URB2: variants seen among roughly 807,000 people sequenced by gnomAD.
URB2 encodes the protein unhealthy ribosome biogenesis protein 2 homolog.
Under a neutral mutation model 120.9 loss-of-function variants are expected in URB2, and 86 were observed. The ratio of observed to expected loss-of-function variants is 0.71; its 90% confidence interval spans 0.60 to 0.85. URB2 has a LOEUF of 0.85. URB2 is among the 40% of genes least tolerant of loss of function. The probability of loss-of-function intolerance (pLI) is 0.00; values close to 1 mark genes in which losing one functional copy is unlikely to be tolerated. For missense variants in URB2, 1,765 were observed against 1,836.5 expected, an observed-to-expected ratio of 0.96 and a Z score of 0.71; for synonymous variants, 755 against 758.4, an observed-to-expected ratio of 1.00 and a Z score of 0.07.
intron 2 of URB2, 126 bp from the exon 3 acceptor site, chr1:229,632,143 G>A (rs1201852850): frequency 6.1e-6 from 4 of 658,782 alleles, no homozygotes; most frequent in Non-Finnish European, 9.2e-6. Context: ...AGTTGTAAAA[G>A]AGAGGTTCTC....
intron 2 of URB2, among the ~76,000 whole-genome samples, chr1:229,630,003 C>T (rs1321307306): frequency 6.6e-6 from 1 of 152,218 alleles, no homozygotes; most frequent in Non-Finnish European, 1.5e-5. Flanking sequence ...CTTCAGGCTC[C>T]ACTTCTAATT....
Position 229,635,060 on chromosome 1 carries a change from G to A in URB2, c.447G>A (p.Leu149=), listed in dbSNP as rs752570298. The stretch of plus-strand genomic sequence containing the variant: ...CCAAACAGGAGCTGATGGTGGCCTT[G>A]CTGAGCCAGCTTTGCTGGTCGGCCT... ...YTAKQELMVA[L]LSQLCWSACR... is the part of the protein sequence containing the mutation. The change falls in exon 4 of 10, where the codon TTG becomes TTA. Residue 149 remains leucine, a synonymous_variant. Transcript: ENST00000258243. 2 of 1,614,154 alleles carry A rather than the reference G, an allele frequency of 1.2e-6. No homozygotes were observed. Among genetic ancestry groups the A allele is most frequent in the Non-Finnish European group, 1.7e-6 (2 of 1,179,988 alleles).
rs765621399 is a variant in URB2 at position 229,635,432 on chromosome 1, CCTT to C, written c.822_824del (p.Leu275del). The C allele has an allele frequency of 6.2e-7, 1 of 1,613,756 alleles. No homozygotes were observed. Among genetic ancestry groups the C allele is most frequent in the South Asian group, 1.1e-5 (1 of 91,034 alleles). ...ATGTGAAGACGGGAGCCATGAAGAA[CCTT>C]CTGGCTCCCATGGACACCGTGCTTA... On this transcript the variant is annotated inframe_deletion, in exon 4 of 10. Transcript: ENST00000258243.
chr1:229,630,363 TCTC>T (rs1341103733), intron 2 of URB2, among the ~76,000 whole-genome samples: 7 of 152,212 alleles, frequency 4.6e-5, no homozygotes, highest in Non-Finnish European at 8.8e-5. Flanking sequence ...ACAACATTCA[TCTC>T]CTTGTACATC....
chr1:229,641,341 G>T (rs1666008315), intron 4 of URB2, among the ~76,000 whole-genome samples: 1 of 152,138 alleles, frequency 6.6e-6, no homozygotes, highest in Non-Finnish European at 1.5e-5. Context: ...AGTCCTAAGT[G>T]TATGTCCCTG....
intron 4 of URB2, among the ~76,000 whole-genome samples, chr1:229,639,273 G>A (rs564269684): frequency 6.6e-6 from 1 of 151,870 alleles, no homozygotes; most frequent in African/African-American, 2.4e-5. Context: ...TCCAGCCTGG[G>A]TGACACAGTG....
At chr1:229,648,655 C>T (rs890585442) in intron 7 of URB2, among the ~76,000 whole-genome samples, 3 of 152,178 alleles carry the variant, frequency 2.0e-5, no homozygotes, top group Non-Finnish European at 2.9e-5. Flanking sequence ...GGCTCAGTGC[C>T]GCCAAATAAT....
chr1:229,627,587 T>C (rs746508947), intron 1 of URB2, 34 bp from the exon 2 acceptor site: 5 of 1,600,064 alleles, frequency 3.1e-6, no homozygotes, highest in Middle Eastern at 1.7e-4. Flanking sequence ...GACATTGTTA[T>C]AGTATTTTTT....
chr1:229,644,779 C>T (rs148011741), intron 5 of URB2, among the ~76,000 whole-genome samples: 246 of 152,154 alleles, frequency 1.6e-3, no homozygotes, highest in African/African-American at 5.4e-3. Flanking sequence ...GAGAAAGGGA[C>T]GGTGTGAGGC....
rs542562128 is a variant in URB2, at chr1:229,637,330, T to C, written c.2717T>C (p.Leu906Pro). 6.2e-7 allele frequency: 1 copy of C among 1,614,230 alleles called. No individual in the cohort carries two copies. The highest frequency in any genetic ancestry group is 1.3e-5 in the African/African-American group (1 of 75,058). ...GLLEVISALQ[L>P]DSLLPPYHVH... ...TTGGAAGTGATTTCTGCCTTACAGC[T>C]GGACAGCCTCTTGCCACCCTATCAT... The change falls in exon 4 of 10, where the codon CTG becomes CCG. Residue 906 changes from leucine to proline, a missense_variant. Leu to Pro is a moderately conservative substitution (Grantham distance 98). Transcript: ENST00000258243.
intron 3 of URB2, among the ~76,000 whole-genome samples, chr1:229,634,153 GCCTTTT>G (rs1665735372): frequency 6.6e-6 from 1 of 151,742 alleles, no homozygotes; most frequent in Admixed American, 6.6e-5. Context: ...TTAAAAGAGT[GCCTTTT>G]GCTTTGGCTT....
chr1:229,642,152 G>A (rs557218292), intron 4 of URB2, among the ~76,000 whole-genome samples: 3 of 152,164 alleles, frequency 2.0e-5, no homozygotes, highest in Non-Finnish European at 2.9e-5. Context: ...TGGGGGAGAC[G>A]CCATAAAGCG....
At chr1:229,654,645 A>G (rs1373279304) in intron 9 of URB2, among the ~76,000 whole-genome samples, 1 of 151,876 alleles carries the variant, frequency 6.6e-6, no homozygotes, top group African/African-American at 2.4e-5. Flanking sequence ...GGCATGTACT[A>G]CTCCACTCAG....
chr1:229,640,276 C>A (rs1174306653), intron 4 of URB2, among the ~76,000 whole-genome samples: 2 of 151,872 alleles, frequency 1.3e-5, no homozygotes, highest in African/African-American at 4.8e-5. Context: ...TTTTGGAGGC[C>A]CATTTAGAGT....
intron 4 of URB2, among the ~76,000 whole-genome samples, chr1:229,638,601 G>A (rs1019991578): frequency 6.6e-6 from 1 of 151,564 alleles, no homozygotes; most frequent in Non-Finnish European, 1.5e-5. Context: ...AGCCAAGATC[G>A]CGCCACTGCA....
intron 8 of URB2, among the ~76,000 whole-genome samples, chr1:229,653,069 A>G (rs1666319573): frequency 6.6e-6 from 1 of 152,212 alleles, no homozygotes. Context: ...TCATGTTGTA[A>G]ATAGCATGTA....
At chr1:229,642,447 C>T (rs1666032915) in intron 4 of URB2, among the ~76,000 whole-genome samples, 1 of 152,120 alleles carries the variant, frequency 6.6e-6, no homozygotes. Flanking sequence ...TCCCCCAGTG[C>T]TGTAAATAGT....
rs1489882397 is a variant in URB2 at position 229,636,242 on chromosome 1, C to T, written c.1629C>T (p.Ser543=). The change falls in exon 4 of 10, where the codon AGC becomes AGT. Residue 543 remains serine (S), a synonymous_variant. Coordinates refer to ENST00000258243, the MANE Select transcript of URB2 (RefSeq NM_014777.4). ...TGGCCCTGAAATCACTGTCACTGAG[C>T]TTGCTGCTGCACTGCATCATGTTCA... is the stretch of plus-strand genomic sequence containing the variant. ...ADMALKSLSL[S]LLLHCIMFNM... The T allele has an allele frequency of 6.2e-7, 1 of 1,613,436 alleles. No homozygotes were observed. The highest frequency in any genetic ancestry group is 8.5e-7 in the Non-Finnish European group (1 of 1,179,438).
intron 2 of URB2, among the ~76,000 whole-genome samples, chr1:229,628,175 G>T (rs61825533): frequency 2.0e-4 from 17 of 84,780 alleles, no homozygotes; most frequent in Admixed American, 1.1e-4. Flanking sequence ...TAGTATATAT[G>T]TATATAATAT....
Sources: allele counts gnomAD v4.1 joint callset (sites outside exome capture counted in the v4.1 genomes callset), GRCh38; gene constraint gnomAD v4.1.1; transcripts MANE v1.5; gene names NCBI Gene and HGNC (gene_info 2026-07-23, HGNC 2026-07-21).